The following ZNF609 variants were observed in gnomAD, a reference collection of about 807,000 sequenced individuals.
ZNF609 encodes zinc finger protein 609.
In ZNF609, 11 loss-of-function variants were observed where a neutral mutation model predicts 109.5. The observed-to-expected ratio is 0.10, with a 90% CI of 0.06 to 0.17. ZNF609 has a LOEUF of 0.17. ZNF609 is among the 10% of genes least tolerant of loss of function. The pLI is 1.00. For missense variants in ZNF609, 1,559 were observed against 1,772.4 expected (o/e 0.88, Z 2.16); for synonymous variants, 646 against 662.0 (o/e 0.98, Z 0.37).
chr15:64,577,324 CACAA>C (rs1895003386), intron 2 of ZNF609, among the ~76,000 whole-genome samples: 2 of 23,948 alleles, frequency 8.4e-5, no homozygotes, highest in African/African-American at 1.3e-4. Flanking sequence ...TATATATACA[CACAA>C]ATATATACAT....
chr15:64,464,912 TTGTA>T (rs1446129169), intron 1 of ZNF609, among the ~76,000 whole-genome samples: 5 of 152,222 alleles, frequency 3.3e-5, no homozygotes, highest in Non-Finnish European at 5.9e-5. Context: ...TAGATTCAGT[TTGTA>T]TGTGTGAAAT....
Position 64,586,572 on chromosome 15 carries a change from C to T in ZNF609, c.748-36255C>T, listed in dbSNP as rs76971517. Among the ~76,000 whole-genome samples, 329 of 152,156 alleles carry T rather than the reference C, an allele frequency of 2.2e-3. 11 individuals are homozygous for T. In the East Asian group the frequency reaches 0.056, roughly 26 times the overall value. On this transcript the variant is annotated intron_variant, in intron 2 of 9. Transcript: ENST00000326648. ...GCACATGAGAGGGACCTAAGTCATG[C>T]GTTCCTTATGTGAATCTAATGAATG...
chr15:64,584,406 C>G (rs1895161390), intron 2 of ZNF609, among the ~76,000 whole-genome samples: 1 of 152,112 alleles, frequency 6.6e-6, no homozygotes, highest in African/African-American at 2.4e-5. Context: ...GATCTCTACT[C>G]ACTGCCACCT....
chr15:64,472,067 C>T (rs767204582), intron 1 of ZNF609, among the ~76,000 whole-genome samples: 10 of 151,980 alleles, frequency 6.6e-5, no homozygotes, highest in Non-Finnish European at 7.4e-5. Flanking sequence ...TCTGCCACCA[C>T]GCCCAGCTAA....
intron 3 of ZNF609, among the ~76,000 whole-genome samples, chr15:64,663,550 G>C (rs1896608659): frequency 6.6e-6 from 1 of 152,112 alleles, no homozygotes; most frequent in Non-Finnish European, 1.5e-5. Flanking sequence ...TGGAGTTTAG[G>C]GGAGAGGTTG....
chr15:64,619,692 A>G (rs939941012), intron 2 of ZNF609, among the ~76,000 whole-genome samples: 4 of 152,224 alleles, frequency 2.6e-5, no homozygotes, highest in African/African-American at 9.6e-5. Flanking sequence ...TCTAATCAGT[A>G]AGGGTAGTTT....
intron 3 of ZNF609, among the ~76,000 whole-genome samples, chr15:64,669,669 ATTTT>A (rs1896697909): frequency 6.6e-6 from 1 of 151,316 alleles, no homozygotes; most frequent in South Asian, 2.1e-4. Context: ...TTATTTTTTT[ATTTT>A]TTATTTTTTT....
intron 2 of ZNF609, among the ~76,000 whole-genome samples, chr15:64,530,376 T>A (rs1806969024): frequency 1.3e-5 from 2 of 152,186 alleles, no homozygotes; most frequent in Admixed American, 6.5e-5. Flanking sequence ...CTCAGTTTCC[T>A]TTTATCTGTA....
At chr15:64,559,899 A>C (rs1440464343) in intron 2 of ZNF609, among the ~76,000 whole-genome samples, 1 of 152,238 alleles carries the variant, frequency 6.6e-6, no homozygotes, top group East Asian at 1.9e-4. Context: ...TAATAGTATA[A>C]GACAATAAAC....
At chr15:64,581,091 T>G (rs1895097236) in intron 2 of ZNF609, among the ~76,000 whole-genome samples, 1 of 149,062 alleles carries the variant, frequency 6.7e-6, no homozygotes, top group African/African-American at 2.5e-5. Flanking sequence ...ACAGTTACAC[T>G]CATAGCACAC....
chr15:64,495,192 GGTTT>G (rs1207920267), intron 1 of ZNF609, among the ~76,000 whole-genome samples: 1 of 152,106 alleles, frequency 6.6e-6, no homozygotes, highest in East Asian at 1.9e-4. Flanking sequence ...TATAACTTAC[GGTTT>G]GTCTTTCCTT....
rs1896835904 is a variant in ZNF609 at position 64,678,339 on chromosome 15, G to A, written c.3626G>A (p.Ser1209Asn). Residue 1209 changes from serine (S) to asparagine (N), a missense_variant, in exon 6 of 10, where the codon AGT (serine) becomes AAT (asparagine). Around this residue, in one of 4 missense-constraint regions of ZNF609, gnomAD observed 1,204 missense variants for 1,314.1 expected, o/e 0.92. Coordinates refer to ENST00000326648, the MANE Select transcript of ZNF609 (RefSeq NM_015042.2). ...CTTGGGAGCAAGGAGCCCCGGCCAA[G>A]TGTCCATGTGCCTGTGTCCTCCCCA... The part of the protein sequence containing the change: ...SRLGSKEPRP[S>N]VHVPVSSPLT... 3 of 1,614,008 alleles carry A rather than the reference G, an allele frequency of 1.9e-6. No individual in the cohort carries two copies. Among genetic ancestry groups the A allele is most frequent in the Non-Finnish European group, 8.5e-7 (1 of 1,180,030 alleles).
chr15:64,509,803 T>C (rs1396326283), intron 2 of ZNF609, among the ~76,000 whole-genome samples: 2 of 152,236 alleles, frequency 1.3e-5, no homozygotes, highest in African/African-American at 4.8e-5. Context: ...GAAGATAACA[T>C]GATTGTTTTC....
At chr15:64,636,462 CAT>C (rs1486645463) in intron 3 of ZNF609, among the ~76,000 whole-genome samples, 1 of 152,190 alleles carries the variant, frequency 6.6e-6, no homozygotes, top group African/African-American at 2.4e-5. Flanking sequence ...CCATTGAACT[CAT>C]AATCAAATGA....
chr15:64,545,577 CTT>C (rs1176593942), intron 2 of ZNF609, among the ~76,000 whole-genome samples: 1 of 152,140 alleles, frequency 6.6e-6, no homozygotes, highest in Non-Finnish European at 1.5e-5. Flanking sequence ...AGATTGATGA[CTT>C]TTGTGAAATG....
chr15:64,509,236 C>T (rs1234431085), intron 2 of ZNF609, among the ~76,000 whole-genome samples: 3 of 152,010 alleles, frequency 2.0e-5, no homozygotes, highest in African/African-American at 7.3e-5. Flanking sequence ...TATCTAAGGG[C>T]TTAGGACTTT....
Position 64,499,557 on chromosome 15 carries a change from G to T in ZNF609, c.138G>T (p.Gln46His). Residue 46 changes from glutamine (Q) to histidine (H), a missense_variant, in exon 2 of 10, where the codon CAG (glutamine) becomes CAT (histidine). By Grantham distance (24) the Gln-to-His change is conservative. Coordinates refer to ENST00000326648, the MANE Select transcript of ZNF609 (RefSeq NM_015042.2). The stretch of plus-strand genomic sequence containing the variant: ...TGGACGCCGATCTGGAAAAGGACCA[G>T]CAGAAACTGGAAATGTCAGGCTCAA... ...IDLDADLEKD[Q>H]QKLEMSGSKE... The T allele has an allele frequency of 6.2e-7, 1 of 1,614,148 alleles. No individual in the cohort carries two copies. The highest frequency in any genetic ancestry group is 8.5e-7 in the Non-Finnish European group (1 of 1,180,030).
At chr15:64,671,706 A>G (rs1046542755) in intron 4 of ZNF609, among the ~76,000 whole-genome samples, 6 of 152,194 alleles carry the variant, frequency 3.9e-5, no homozygotes, top group Non-Finnish European at 8.8e-5. Context: ...CATACAGGTA[A>G]CATCCTAGGA....
intron 2 of ZNF609, among the ~76,000 whole-genome samples, chr15:64,609,612 A>T: frequency 6.6e-6 from 1 of 151,014 alleles, no homozygotes; most frequent in African/African-American, 2.4e-5. Flanking sequence ...GCATGGCCTC[A>T]TTTTAATTTC....
Sources: allele counts gnomAD v4.1 joint callset (sites outside exome capture counted in the v4.1 genomes callset), GRCh38; gene constraint gnomAD v4.1.1; regional missense constraint gnomAD v4.1.1; transcripts MANE v1.5; gene names NCBI Gene and HGNC (gene_info 2026-07-23, HGNC 2026-07-21).